Variants in NHS observed in about 807,000 individuals in gnomAD.
NHS encodes actin remodeling regulator NHS.
A neutral mutation model predicts 72.5 loss-of-function variants in NHS; 5 were observed. The ratio of observed to expected loss-of-function variants is 0.07; its 90% CI spans 0.04 to 0.14. NHS has a LOEUF of 0.14. Ranked by LOEUF, NHS falls within the 10% of genes least tolerant of loss-of-function variation. NHS has a pLI of 1.00. For missense variants in NHS, 1,072 were observed against 1,355.7 expected (o/e 0.79, Z 3.29); for synonymous variants, 464 against 547.7 (o/e 0.85, Z 2.13).
Position 17,375,909 on chromosome X carries a change from C to T in NHS, c.152C>T (p.Ala51Val), listed in dbSNP as rs727504039. ...CGGAGGGACCTGGACGAGGTCGAGG[C>T]GCCAGGGCCAGAGGAGCCAGCCCGC... ...PGRRDLDEVE[A>V]PGPEEPARAV... is the part of the protein sequence containing the mutation. The change falls in exon 1 of 9, where the codon GCG becomes GTG. Residue 51 changes from alanine to valine, a missense_variant. Transcript: ENST00000676302. The T allele has an allele frequency of 9.0e-5, 98 of 1,094,804 alleles. No homozygotes were observed. The Middle Eastern group carries it at 1.0e-3, about 12-fold the overall frequency. 90.2% of individuals were successfully genotyped at this position (1,094,804 alleles called of 1,213,427 possible).
At chrX:17,518,156 T>A (rs1260176641) in intron 1 of NHS, among the ~76,000 whole-genome samples, 2 of 111,557 alleles carry the variant, frequency 1.8e-5, no homozygotes, top group Admixed American at 9.5e-5. Context: ...CTGGCCCAAG[T>A]GACAGATAAA....
chrX:17,615,440 T>C (rs1197508585), intron 1 of NHS, among the ~76,000 whole-genome samples: 2 of 104,493 alleles, frequency 1.9e-5, no homozygotes, highest in South Asian at 4.3e-4. Flanking sequence ...TTTGTGGAGA[T>C]GAGGTTCCTC....
chrX:17,505,682 GC>G (rs1221846610), intron 1 of NHS, among the ~76,000 whole-genome samples: 1 of 107,779 alleles, frequency 9.3e-6, no homozygotes, highest in East Asian at 2.9e-4. Context: ...AAAGTGACTT[GC>G]CCGAGCCAAG....
At chrX:17,380,550 G>A (rs937672190) in intron 1 of NHS, among the ~76,000 whole-genome samples, 3 of 110,346 alleles carry the variant, frequency 2.7e-5, no homozygotes, top group Admixed American at 9.6e-5. Flanking sequence ...ACAGGGTTTC[G>A]CCATGTTACC....
chrX:17,542,201 C>T (rs2065267259), intron 1 of NHS, among the ~76,000 whole-genome samples: 1 of 113,310 alleles, frequency 8.8e-6, no homozygotes. Context: ...CAACATTGTC[C>T]TGCAAGACGG....
At chrX:17,404,122 T>C (rs2064515833) in intron 1 of NHS, among the ~76,000 whole-genome samples, 2 of 112,268 alleles carry the variant, frequency 1.8e-5, no homozygotes, top group Non-Finnish European at 3.8e-5. Context: ...TAATGCTGGA[T>C]GTTTAATGGG....
At chrX:17,528,605 A>C (rs1348413556) in intron 1 of NHS, 1 of 111,939 alleles carries the variant, frequency 8.9e-6, no homozygotes, top group Non-Finnish European at 1.9e-5. Flanking sequence ...ATGGCTGCTC[A>C]TCTTTGACTC....
At chrX:17,654,493 AT>A (rs751792093) in intron 1 of NHS, among the ~76,000 whole-genome samples, 130 of 112,857 alleles carry the variant, frequency 1.2e-3, no homozygotes, top group African/African-American at 4.0e-3. Context: ...ACAATCATTA[AT>A]TCACAGTAAT....
At chrX:17,574,587 C>T (rs1416189537) in intron 1 of NHS, among the ~76,000 whole-genome samples, 1 of 112,046 alleles carries the variant, frequency 8.9e-6, no homozygotes, top group African/African-American at 3.3e-5. Flanking sequence ...TGTACCGCTC[C>T]TCCAGGTACA....
intron 1 of NHS, among the ~76,000 whole-genome samples, chrX:17,561,822 AG>A (rs994801462): frequency 1.8e-5 from 2 of 109,020 alleles, no homozygotes; most frequent in Non-Finnish European, 3.8e-5. Flanking sequence ...CTCCCAAAAT[AG>A]GGCAATAAAA....
intron 1 of NHS, among the ~76,000 whole-genome samples, chrX:17,402,000 A>G (rs1727505242): frequency 8.9e-6 from 1 of 111,929 alleles, no homozygotes; most frequent in South Asian, 3.8e-4. Flanking sequence ...TAAAAAGACA[A>G]CCTAATTTTT....
intron 1 of NHS, among the ~76,000 whole-genome samples, chrX:17,384,039 C>T (rs2064393306): frequency 8.9e-6 from 1 of 112,211 alleles, no homozygotes; most frequent in Admixed American, 9.4e-5. Context: ...TAATTTTCAG[C>T]CAGAGCAGAC....
chrX:17,614,959 C>T (rs2065730322), intron 1 of NHS, among the ~76,000 whole-genome samples: 2 of 106,860 alleles, frequency 1.9e-5, no homozygotes, highest in South Asian at 4.3e-4. Flanking sequence ...GAGCTCCTTT[C>T]CCTCTTCCCT....
In NHS at chrX:17,468,447, T is replaced by A. The variant is rs78832512; in HGVS notation, c.565+92125T>A. On this transcript the variant is annotated intron_variant, in intron 1 of 8. Transcript: ENST00000676302. ...TATTGGGAGAGAGCTTTTTTTTTTT[T>A]TCTTACTGAGAACACCAAAACCGAT... Among the ~76,000 whole-genome samples the A allele has an allele frequency of 3.9e-3, 427 of 110,241 alleles. 6 individuals are homozygous for A. Among genetic ancestry groups the A allele is most frequent in the African/African-American group, 0.013 (405 of 30,328 alleles).
At chrX:17,687,442 G>T in intron 1 of NHS, 1 of 331,649 alleles carries the variant, frequency 3.0e-6, no homozygotes. Context: ...GCTTGTCAGT[G>T]TTGATGAGCG....
At position 17,429,993 on chromosome X, in the gene NHS, G is replaced by T. The variant is rs540571533; in HGVS notation, c.565+53671G>T. Among the ~76,000 whole-genome samples the T allele has an allele frequency of 5.9e-4, 66 of 111,470 alleles. No homozygotes were observed. The South Asian group carries it at 9.9e-3, about 17-fold the overall frequency. On this transcript the variant is annotated intron_variant, in intron 1 of 8. Transcript: ENST00000676302. ...TCACTGTAACCACTTTGGTTAACTT[G>T]GCTGAAGGCTGCAAGCCTCATGAAA...
chrX:17,487,631 T>A (rs1465214916), intron 1 of NHS, among the ~76,000 whole-genome samples: 5 of 111,438 alleles, frequency 4.5e-5, no homozygotes, highest in Non-Finnish European at 7.5e-5. Context: ...ATGTGTCTGG[T>A]TACAGGCTCA....
intron 1 of NHS, among the ~76,000 whole-genome samples, chrX:17,596,771 AG>A (rs772935507): frequency 1.1e-3 from 121 of 111,885 alleles, no homozygotes; most frequent in African/African-American, 3.8e-3. Flanking sequence ...GTCACATTCC[AG>A]GCATGGGAGT....
intron 1 of NHS, among the ~76,000 whole-genome samples, chrX:17,414,972 C>T (rs918590292): frequency 3.6e-5 from 4 of 111,274 alleles, no homozygotes; most frequent in African/African-American, 1.3e-4. Flanking sequence ...TTGCCCTTGG[C>T]AACACTGCAT....
Sources: gnomAD v4.1 joint callset for allele counts (sites outside exome capture counted in the v4.1 genomes callset) on GRCh38, gnomAD v4.1.1 for gene constraint, MANE v1.5 for transcripts, NCBI Gene and HGNC (gene_info 2026-07-23, HGNC 2026-07-21) for gene names.